The following TXLNB variants were observed in gnomAD, a reference collection of about 807,000 sequenced individuals.
TXLNB encodes taxilin beta.
TXLNB carries 37 observed loss-of-function variants against 57.4 expected under a neutral mutation model. The observed-to-expected ratio is 0.64, with a 90% CI of 0.50 to 0.85. The LOEUF (loss-of-function observed/expected upper bound fraction) is 0.85, where lower values mean the gene tolerates loss of function less well. Among genes scored for constraint, TXLNB ranks in the 40% least tolerant of loss-of-function variants. The pLI is 0.00. For synonymous variants in TXLNB, 302 were observed against 309.6 expected (o/e 0.98, Z 0.26); for missense variants, 848 against 825.6 (o/e 1.03, Z -0.33).
chr6:139,317,935 G>A, the TXLNB span, among the ~76,000 whole-genome samples: 36 of 151,952 alleles, frequency 2.4e-4, no homozygotes, highest in Non-Finnish European at 4.3e-4. Flanking sequence ...CAGAAGAAAA[G>A]ATCTCATCAG....
intron 4 of TXLNB, among the ~76,000 whole-genome samples, chr6:139,267,364 T>C (rs897630401): frequency 5.3e-5 from 8 of 152,178 alleles, no homozygotes; most frequent in African/African-American, 1.9e-4. Context: ...AGGGAGTAAA[T>C]TGATCTATTT....
the TXLNB span, among the ~76,000 whole-genome samples, chr6:139,306,927 T>C: frequency 1.5e-4 from 23 of 152,242 alleles, no homozygotes; most frequent in African/African-American, 5.3e-4. Context: ...CTGTGATGTT[T>C]TAAAACATGA....
chr6:139,184,107 TTA>T, the TXLNB span, among the ~76,000 whole-genome samples: 1 of 152,342 alleles, frequency 6.6e-6, no homozygotes, highest in African/African-American at 2.4e-5. Context: ...ACATGGCTGC[TTA>T]TGTTTGCTAC....
chr6:139,227,354 AAAC>A, the TXLNB span, among the ~76,000 whole-genome samples: 3 of 151,222 alleles, frequency 2.0e-5, no homozygotes, highest in African/African-American at 7.3e-5. Flanking sequence ...AAAACAAAAC[AAAC>A]AAAAAAAAAA....
At chr6:139,290,316 G>T (rs1219755038) in intron 1 of TXLNB, among the ~76,000 whole-genome samples, 1 of 152,292 alleles carries the variant, frequency 6.6e-6, no homozygotes, top group East Asian at 1.9e-4. Flanking sequence ...GGAGGCGGAG[G>T]CTGTAGTGAG....
chr6:139,278,777 G>A lies in TXLNB; in HGVS notation c.425-1856C>T, dbSNP rs540121459. Among the ~76,000 whole-genome samples the A allele has an allele frequency of 6.6e-4, 101 of 152,324 alleles. 2 individuals are homozygous for A. Among genetic ancestry groups the A allele is most frequent in the Middle Eastern group, 3.4e-3 (1 of 294 alleles). ...TCCCAACACTTTGGGAGGCTAAGGC[G>A]GGCGGATCACGAGGTCAGGAGATCA... is the stretch of plus-strand genomic sequence containing the variant. On this transcript the variant is annotated intron_variant, in intron 2 of 9. Coordinates refer to ENST00000358430, the MANE Select transcript of TXLNB (RefSeq NM_153235.4).
chr6:139,276,386 T>C (rs1479834432), intron 3 of TXLNB, among the ~76,000 whole-genome samples: 1 of 152,224 alleles, frequency 6.6e-6, no homozygotes, highest in Non-Finnish European at 1.5e-5. Context: ...TAGTGTATGG[T>C]AAGATTTATT....
Position 139,247,532 on chromosome 6 carries a change from CTT to C in TXLNB, c.1170+283_1170+284del, listed in dbSNP as rs61368061. On this transcript the variant is annotated intron_variant, in intron 8 of 9. Coordinates refer to ENST00000358430, the MANE Select transcript of TXLNB (RefSeq NM_153235.4). ...ATGTTAAATTGCTAGCTCTGGTCTTCTTTTTTTTTTTTTTTTTTTTTTTTAAG... is the reference window on the plus strand; with the variant it reads ...ATGTTAAATTGCTAGCTCTGGTCTTCTTTTTTTTTTTTTTTTTTTTTTAAG... Among the ~76,000 whole-genome samples, 339 of 63,082 alleles carry C rather than the reference CTT, an allele frequency of 5.4e-3. 3 individuals are homozygous for C. Among genetic ancestry groups the C allele is most frequent in the African/African-American group, 0.018 (300 of 16,520 alleles). The allele number at this position is 63,082 out of a possible 152,430, so 41.4% of individuals were successfully genotyped here. A position where few individuals can be genotyped will look rare whatever the true frequency, so the allele number is the denominator to read the frequency against.
At chr6:139,270,668 A>C in intron 3 of TXLNB, 42 bp from the exon 4 acceptor site, 5 of 1,586,928 alleles carry the variant, frequency 3.2e-6, no homozygotes, top group Non-Finnish European at 4.3e-6. Context: ...AATGGCAGGG[A>C]TCTCCTTGGA....
At chr6:139,316,977 G>A in the TXLNB span, among the ~76,000 whole-genome samples, 1 of 152,184 alleles carries the variant, frequency 6.6e-6, no homozygotes. Context: ...GCAGAAAAGT[G>A]GGTTGGATAT....
At chr6:139,213,545 C>A in the TXLNB span, among the ~76,000 whole-genome samples, 1 of 152,046 alleles carries the variant, frequency 6.6e-6, no homozygotes, top group South Asian at 2.1e-4. Context: ...AAAATTGACA[C>A]CCTAACATCA....
chr6:139,280,595 GATTGGC>G (rs1186644583), intron 2 of TXLNB, among the ~76,000 whole-genome samples: 1 of 152,172 alleles, frequency 6.6e-6, no homozygotes, highest in Non-Finnish European at 1.5e-5. Context: ...AGTGAGCTGA[GATTGGC>G]CACTCCACTC....
At chr6:139,311,319 ATCTT>A in the TXLNB span, among the ~76,000 whole-genome samples, 20,281 of 152,146 alleles carry the variant, frequency 0.13, 1,497 homozygotes, top group East Asian at 0.26. Context: ...TCTGAGCCAT[ATCTT>A]TCTTTTCTTT....
chr6:139,209,601 A>C, the TXLNB span, among the ~76,000 whole-genome samples: 2 of 152,196 alleles, frequency 1.3e-5, no homozygotes, highest in Non-Finnish European at 2.9e-5. Flanking sequence ...AAGCTTACAA[A>C]AAGATAAAGT....
At chr6:139,201,958 G>A in the TXLNB span, among the ~76,000 whole-genome samples, 1 of 152,086 alleles carries the variant, frequency 6.6e-6, no homozygotes, top group Non-Finnish European at 1.5e-5. Flanking sequence ...AGCATGCTAC[G>A]GCCAGTCACT....
chr6:139,178,176 C>T, the TXLNB span: 2 of 152,098 alleles, frequency 1.3e-5, no homozygotes, highest in Non-Finnish European at 2.9e-5. Context: ...GATTTTAATG[C>T]ATAGCAGTAT....
chr6:139,323,766 G>C, the TXLNB span, among the ~76,000 whole-genome samples: 8 of 152,052 alleles, frequency 5.3e-5, no homozygotes, highest in African/African-American at 1.9e-4. Context: ...TTTCCTCTTC[G>C]TTTTTCCGGG....
At chr6:139,192,139 G>A in the TXLNB span, among the ~76,000 whole-genome samples, 7 of 152,134 alleles carry the variant, frequency 4.6e-5, no homozygotes, top group Non-Finnish European at 8.8e-5. Context: ...AATAAGTGGA[G>A]GCTGAATCTT....
chr6:139,316,055 G>C, the TXLNB span, among the ~76,000 whole-genome samples: 7 of 152,098 alleles, frequency 4.6e-5, no homozygotes, highest in Non-Finnish European at 1.0e-4. Flanking sequence ...AAATGACAGG[G>C]AGAAAAAATA....
Sources: allele counts gnomAD v4.1 joint callset (sites outside exome capture counted in the v4.1 genomes callset), GRCh38; gene constraint gnomAD v4.1.1; transcripts MANE v1.5; gene names NCBI Gene and HGNC (gene_info 2026-07-23, HGNC 2026-07-21).